Variants in HNRNPD observed in about 807,000 individuals in gnomAD.
HNRNPD encodes heterogeneous nuclear ribonucleoprotein D0.
A neutral mutation model predicts 47.9 loss-of-function variants in HNRNPD; 3 were observed. The ratio of observed to expected loss-of-function variants is 0.06; its 90% CI spans 0.03 to 0.16. HNRNPD has a LOEUF of 0.16. Ranked by LOEUF, HNRNPD falls within the 10% of genes least tolerant of loss-of-function variation. The pLI, the probability that HNRNPD is intolerant of heterozygous loss-of-function variation, is 1.00. For missense variants in HNRNPD, 287 were observed against 454.2 expected (o/e 0.63, Z 3.35); for synonymous variants, 171 against 165.1 (o/e 1.04, Z -0.28).
At position 82,357,506 on chromosome 4, in the gene HNRNPD, C is replaced by T. The variant is rs955943818; in HGVS notation, c.622-62G>A. 6 of 1,441,650 alleles carry T rather than the reference C, an allele frequency of 4.2e-6. No individual in the cohort carries two copies. In the African/African-American group the frequency reaches 4.3e-5, roughly 10 times the overall value. 89.3% of individuals were successfully genotyped at this position (1,441,650 alleles called of 1,614,324 possible). On this transcript the variant is annotated intron_variant, in intron 4 of 8. Transcript: ENST00000313899. ...CATTTTATTGACCTTAAAAGAAACA[C>T]AAGTTTAGAGGGGGGAAAACACACA... is the stretch of plus-strand genomic sequence containing the variant.
At chr4:82,361,503 T>C (rs1392706662) in intron 2 of HNRNPD, among the ~76,000 whole-genome samples, 1 of 152,212 alleles carries the variant, frequency 6.6e-6, no homozygotes, top group East Asian at 1.9e-4. Context: ...ACTTTGAAAG[T>C]ATTTCAGCCT....
chr4:82,352,549 T>TA lies in HNRNPD; in HGVS notation c.*1635dup, dbSNP rs1356107046. On this transcript the variant is annotated 3_prime_UTR_variant, in exon 9 of 9. Coordinates refer to ENST00000313899, the MANE Select transcript of HNRNPD (RefSeq NM_031370.3). ...AGATTTACATAAAATAAGCATATGA[T>TA]ACCAAAAAGAACCCTAGCTTAACAA... 2.0e-5 allele frequency: 3 copies of TA among 152,156 alleles called. No individual in the cohort carries two copies. In the South Asian group the frequency reaches 6.2e-4, roughly 32 times the overall value. The allele number at this position is 152,156 out of a possible 1,614,324, so 9.4% of individuals were successfully genotyped here.
chr4:82,358,506 T>C (rs1377003753), intron 4 of HNRNPD, 153 bp downstream of exon 4: 1 of 658,778 alleles, frequency 1.5e-6, no homozygotes, highest in Non-Finnish European at 2.6e-6. Context: ...TTCAAAGACC[T>C]GCTAATGAAG....
intron 2 of HNRNPD, among the ~76,000 whole-genome samples, chr4:82,366,577 CTTTT>C (rs1390207383): frequency 6.6e-6 from 1 of 151,100 alleles, no homozygotes; most frequent in East Asian, 1.9e-4. Context: ...CTTTTTTTTT[CTTTT>C]TTTGAGACGG....
chr4:82,362,802 G>A (rs770465519), intron 2 of HNRNPD, among the ~76,000 whole-genome samples: 6 of 151,932 alleles, frequency 3.9e-5, no homozygotes, highest in African/African-American at 7.3e-5. Flanking sequence ...GTTTCCCCTC[G>A]TTGGCCAGGC....
At position 82,371,643 on chromosome 4, in the gene HNRNPD, C is replaced by T. The variant is rs546670653; in HGVS notation, c.234-59G>A. On this transcript the variant is annotated intron_variant, in intron 1 of 8. Transcript: ENST00000313899. ...AAAATTCTAGTTTTAGTTTTTGACA[C>T]TGTTAGGGTTAAAAACTTTAATTCA... is the stretch of plus-strand genomic sequence containing the variant. 1.8e-4 allele frequency: 245 copies of T among 1,391,558 alleles called. 4 individuals carry two copies. The South Asian group carries it at 2.8e-3, about 16-fold the overall frequency. The allele number at this position is 1,391,558 out of a possible 1,614,324, so 86.2% of individuals were successfully genotyped here.
At chr4:82,355,111 T>G in intron 8 of HNRNPD, 193 bp downstream of exon 8, 1 of 572,518 alleles carries the variant, frequency 1.7e-6, no homozygotes. Flanking sequence ...CTTTACTGAC[T>G]TGTTAATAAT....
At chr4:82,356,293 A>T (rs1723709109) in intron 7 of HNRNPD, 2 of 402,908 alleles carry the variant, frequency 5.0e-6, no homozygotes, top group East Asian at 7.8e-5. Flanking sequence ...TAAAATTTTT[A>T]AATCCAAGTA....
intron 2 of HNRNPD, among the ~76,000 whole-genome samples, chr4:82,367,045 T>C (rs1360235853): frequency 1.4e-5 from 2 of 140,154 alleles, no homozygotes; most frequent in African/African-American, 5.2e-5. Flanking sequence ...TTTTTTTTTT[T>C]TAAAGAAACA....
intron 5 of HNRNPD, 131 bp downstream of exon 5, chr4:82,357,181 TG>T: frequency 1.0e-6 from 1 of 975,726 alleles, no homozygotes; most frequent in Non-Finnish European, 1.5e-6. Flanking sequence ...CACAAAAAGT[TG>T]GTCAATGGTA....
intron 2 of HNRNPD, among the ~76,000 whole-genome samples, chr4:82,362,818 T>C (rs1719542416): frequency 6.6e-6 from 1 of 152,112 alleles, no homozygotes; most frequent in Non-Finnish European, 1.5e-5. Flanking sequence ...CAGGCTGGTC[T>C]TGAACTCCTG....
chr4:82,373,013 TAAA>T, intron 1 of HNRNPD: 1 of 392,762 alleles, frequency 2.5e-6, no homozygotes, highest in Non-Finnish European at 5.1e-6. Context: ...AAGCACCAAA[TAAA>T]CCTTAGTAAT....
intron 2 of HNRNPD, among the ~76,000 whole-genome samples, chr4:82,359,877 A>G (rs1175845930): frequency 6.6e-6 from 1 of 152,212 alleles, no homozygotes; most frequent in Non-Finnish European, 1.5e-5. Flanking sequence ...TCAACTTGCT[A>G]AAAGATAAAC....
Position 82,353,662 on chromosome 4 carries a change from G to A in HNRNPD, c.*523C>T, listed in dbSNP as rs1183784711. On this transcript the variant is annotated 3_prime_UTR_variant, in exon 9 of 9. Transcript: ENST00000313899. ...CATTAAGTCATTCCCAATTTGGACAGGGAGGACACATTATGGCAAAAATTA... is the reference window on the plus strand; with the variant it reads ...CATTAAGTCATTCCCAATTTGGACAAGGAGGACACATTATGGCAAAAATTA... 6.6e-6 allele frequency: 1 copy of A among 152,612 alleles called. No individual in the cohort carries two copies. The highest frequency in any genetic ancestry group is 2.4e-5 in the African/African-American group (1 of 41,432). 9.5% of individuals were successfully genotyped at this position (152,612 alleles called of 1,614,324 possible). A position where few individuals can be genotyped will look rare whatever the true frequency, so the allele number is the denominator to read the frequency against.
chr4:82,370,853 G>C (rs1185044859), intron 2 of HNRNPD, among the ~76,000 whole-genome samples: 1 of 152,244 alleles, frequency 6.6e-6, no homozygotes, highest in East Asian at 1.9e-4. Context: ...CCAAAGAGAA[G>C]TCATGCAATT....
intron 5 of HNRNPD, 113 bp from the exon 6 acceptor site, chr4:82,357,008 C>A: frequency 1.1e-6 from 1 of 930,402 alleles, no homozygotes; most frequent in Non-Finnish European, 1.7e-6. Context: ...TAATTTGAAA[C>A]TTTCCTCAGT....
chr4:82,361,740 A>C (rs2109993994), intron 2 of HNRNPD, among the ~76,000 whole-genome samples: 1 of 152,324 alleles, frequency 6.6e-6, no homozygotes, highest in South Asian at 2.1e-4. Context: ...ATTATTCTGA[A>C]GCCCCAAATG....
At chr4:82,356,723 G>A (rs1723725417) in intron 6 of HNRNPD, 40 bp from the exon 7 acceptor site, 1 of 1,612,856 alleles carries the variant, frequency 6.2e-7, no homozygotes, top group Non-Finnish European at 8.5e-7. Context: ...CAGAAGATCA[G>A]CAAAGATCTT....
intron 2 of HNRNPD, among the ~76,000 whole-genome samples, chr4:82,370,480 A>G (rs1578057758): frequency 6.6e-6 from 1 of 151,852 alleles, no homozygotes; most frequent in Non-Finnish European, 1.5e-5. Context: ...AGTGCCCACC[A>G]CTCACCAAAT....
Sources: allele counts gnomAD v4.1 joint callset (sites outside exome capture counted in the v4.1 genomes callset), GRCh38; gene constraint gnomAD v4.1.1; transcripts MANE v1.5; gene names NCBI Gene and HGNC (gene_info 2026-07-23, HGNC 2026-07-21).